CLCN4: variants seen among roughly 807,000 people sequenced by gnomAD.
CLCN4 encodes H(+)/Cl(-) exchange transporter 4.
In CLCN4, 1 loss-of-function variant was observed where a neutral mutation model predicts 41.7. The ratio of observed to expected loss-of-function variants is 0.02; its 90% CI spans 0.01 to 0.11. The LOEUF (loss-of-function observed/expected upper bound fraction) is 0.11. Among genes scored for constraint, CLCN4 ranks in the 10% least tolerant of loss-of-function variants. The pLI is 1.00. For missense variants in CLCN4, 287 were observed against 661.0 expected (o/e 0.43, Z 6.20); for synonymous variants, 277 against 285.8 (o/e 0.97, Z 0.31).
chrX:10,228,368 A>G (rs1378770814), intron 12 of CLCN4, among the ~76,000 whole-genome samples: 3 of 109,804 alleles, frequency 2.7e-5, no homozygotes, highest in Non-Finnish European at 5.7e-5. Context: ...CTGAGGCACA[A>G]TCAGCTGCCA....
rs1485597497 is a variant in CLCN4, at chrX:10,158,298, G to A, written c.-265G>A. 2.4e-5 allele frequency: 7 copies of A among 290,530 alleles called. No individual in the cohort carries two copies. Among genetic ancestry groups the A allele is most frequent in the Non-Finnish European group, 4.2e-5 (7 of 166,447 alleles). The allele number at this position is 290,530 out of a possible 1,213,427, so 23.9% of individuals were successfully genotyped here. A position where few individuals can be genotyped will look rare whatever the true frequency, so the allele number is the denominator to read the frequency against. On this transcript the variant is annotated 5_prime_UTR_variant, in exon 2 of 13. Coordinates refer to ENST00000380833, the MANE Select transcript of CLCN4 (RefSeq NM_001830.4). ...TAATTCTTCGCGAAAGGCCAGGCAA[G>A]CTGCACACATCAAGCGAAACGCCTG... is the stretch of plus-strand genomic sequence containing the variant.
chrX:10,169,266 G>A (rs1923322528), intron 2 of CLCN4, among the ~76,000 whole-genome samples: 2 of 111,936 alleles, frequency 1.8e-5, no homozygotes, highest in Non-Finnish European at 1.9e-5. Context: ...TCCCTCTCAA[G>A]CTGTCACCTC....
Position 10,233,608 on chromosome X carries a change from G to A in CLCN4, c.*24G>A. On this transcript the variant is annotated 3_prime_UTR_variant, in exon 13 of 13. Transcript: ENST00000380833. ...AGCAACAAGGTGGCAATTATTTTCA[G>A]AAAAACACTGACTGTGTCATTTAAA... 9.7e-7 allele frequency: 1 copy of A among 1,028,117 alleles called. No homozygotes were observed. Among genetic ancestry groups the A allele is most frequent in the Non-Finnish European group, 1.4e-6 (1 of 728,831 alleles). 84.7% of individuals were successfully genotyped at this position (1,028,117 alleles called of 1,213,427 possible).
intron 12 of CLCN4, among the ~76,000 whole-genome samples, chrX:10,228,232 C>T (rs1421582293): frequency 9.1e-6 from 1 of 109,624 alleles, no homozygotes; most frequent in Non-Finnish European, 1.9e-5. Flanking sequence ...CCCTCCTCCC[C>T]CCTCCCCCAT....
chrX:10,176,858 A>G (rs888468143), intron 2 of CLCN4, among the ~76,000 whole-genome samples: 5 of 112,481 alleles, frequency 4.4e-5, no homozygotes, highest in African/African-American at 1.3e-4. Context: ...CAGAGGGAAC[A>G]GGTGGAAGGG....
rs774739754 is a variant in CLCN4, at chrX:10,220,893, T to A, written c.2192+16T>A. On this transcript the variant is annotated intron_variant, in intron 12 of 12. Coordinates refer to ENST00000380833, the MANE Select transcript of CLCN4 (RefSeq NM_001830.4). ...CGCGGAGCGGGTGAGTAGCCGGACATGTGGCCAGAATGACCTAGGGAGAAA... is the reference window on the plus strand; with the variant it reads ...CGCGGAGCGGGTGAGTAGCCGGACAAGTGGCCAGAATGACCTAGGGAGAAA... 5 of 1,178,752 alleles carry A rather than the reference T, an allele frequency of 4.2e-6. No homozygotes were observed. In the Admixed American group the frequency reaches 1.1e-4, roughly 26 times the overall value.
rs773265490 is a variant in CLCN4, at chrX:10,216,918, T to TATATATACACACAC, written c.1975+2840_1975+2841insTATATACACACACA. The stretch of plus-strand genomic sequence containing the variant: ...GTGTGTATATATATATATATATATA[T>TATATATACACACAC]ACACACACACACATAGAGGGACTTC... On this transcript the variant is annotated intron_variant, in intron 11 of 12. Transcript: ENST00000380833. Among the ~76,000 whole-genome samples the TATATATACACACAC allele has an allele frequency of 1.9e-3, 75 of 38,925 alleles. 1 individual carries two copies. The highest frequency in any genetic ancestry group is 2.8e-3 in the Non-Finnish European group (66 of 23,804). 33.8% of individuals were successfully genotyped at this position (38,925 alleles called of 115,157 possible). A position where few individuals can be genotyped will look rare whatever the true frequency, so the allele number is the denominator to read the frequency against.
intron 2 of CLCN4, among the ~76,000 whole-genome samples, chrX:10,180,833 C>T (rs1923663410): frequency 9.6e-6 from 1 of 104,078 alleles, no homozygotes; most frequent in Admixed American, 1.0e-4. Context: ...CACCCAAAGT[C>T]ACATGCTGAA....
rs779568555 is a variant in CLCN4, at chrX:10,198,010, C to T, written c.504C>T (p.Val168=). The change falls in exon 6 of 13, where the codon GTC becomes GTT. Residue 168 remains valine (V), a synonymous_variant. Transcript: ENST00000380833. ...CGCTGCTGTTTGCATTTTTGGCTGT[C>T]TCCCTGGTGCGTGTATTTGCACCAT... ...LWALLFAFLA[V]SLVRVFAPYA... 1.7e-6 allele frequency: 2 copies of T among 1,208,589 alleles called. No individual in the cohort carries two copies. Among genetic ancestry groups the T allele is most frequent in the Non-Finnish European group, 2.2e-6 (2 of 894,468 alleles).
intron 2 of CLCN4, among the ~76,000 whole-genome samples, chrX:10,165,359 C>T (rs1923221259): frequency 8.9e-6 from 1 of 112,773 alleles, no homozygotes; most frequent in African/African-American, 3.2e-5. Flanking sequence ...GGGTCAGGCC[C>T]TTGACCTGCC....
rs147926790 is a variant in CLCN4, at chrX:10,159,426, G to C, written c.-12+875G>C. ...AGTTCTAGCATGACAGTGGGTGGGGGATTTTAATGGACTGTTTCTAGAGCG... is the reference window on the plus strand; with the variant it reads ...AGTTCTAGCATGACAGTGGGTGGGGCATTTTAATGGACTGTTTCTAGAGCG... On this transcript the variant is annotated intron_variant, in intron 2 of 12. Transcript: ENST00000380833. 8.9e-3 allele frequency among the ~76,000 whole-genome samples: 980 copies of C among 110,498 alleles called. 8 individuals are homozygous for C. Among genetic ancestry groups the C allele is most frequent in the African/African-American group, 0.03 (904 of 30,298 alleles).
Position 10,177,182 on chromosome X carries a change from C to T in CLCN4, c.-11-7840C>T, listed in dbSNP as rs962274908. Reference sequence around the variant, plus strand: ...GATATGGAATTCATATTTCAGTGTCCGCGAATAAAGTTTTATTGAAACACA... The same window carrying T: ...GATATGGAATTCATATTTCAGTGTCTGCGAATAAAGTTTTATTGAAACACA... On this transcript the variant is annotated intron_variant, in intron 2 of 12. Transcript: ENST00000380833. Among the ~76,000 whole-genome samples, 4 of 112,406 alleles carry T rather than the reference C, an allele frequency of 3.6e-5. No individual in the cohort carries two copies. The South Asian group carries it at 1.5e-3, about 41-fold the overall frequency.
chrX:10,211,151 A>G (rs1924537034), intron 9 of CLCN4, among the ~76,000 whole-genome samples: 1 of 103,894 alleles, frequency 9.6e-6, no homozygotes, highest in Non-Finnish European at 1.9e-5. Context: ...CTGTGGTCCC[A>G]GCTACTCGGG....
intron 2 of CLCN4, among the ~76,000 whole-genome samples, chrX:10,174,728 C>T (rs2239940): frequency 0.24 from 26,668 of 110,384 alleles, 2,513 homozygotes; most frequent in African/African-American, 0.32. Context: ...GGCTGCCCTA[C>T]ACTGCCATAT....
chrX:10,204,611 G>GTTTTTTTT (rs1307394281), intron 6 of CLCN4, among the ~76,000 whole-genome samples: 2 of 19,685 alleles, frequency 1.0e-4, no homozygotes, highest in African/African-American at 1.2e-4. Flanking sequence ...AAAGCTAGTA[G>GTTTTTTTT]TCTTTTTTTT....
chrX:10,206,968 G>A (rs886393582), intron 8 of CLCN4, among the ~76,000 whole-genome samples, 192 bp downstream of exon 8: 5 of 109,645 alleles, frequency 4.6e-5, no homozygotes, highest in African/African-American at 1.7e-4. Flanking sequence ...CACCCAGGCT[G>A]CAGTGCAATG....
chrX:10,183,325 T>G (rs752484565), intron 2 of CLCN4, among the ~76,000 whole-genome samples: 2 of 111,881 alleles, frequency 1.8e-5, no homozygotes, highest in East Asian at 5.6e-4. Flanking sequence ...CTGTGACCAC[T>G]TTATTGCTTG....
chrX:10,223,019 T>G (rs1474342799), intron 12 of CLCN4, among the ~76,000 whole-genome samples: 2 of 111,522 alleles, frequency 1.8e-5, no homozygotes, highest in Non-Finnish European at 3.8e-5. Context: ...CCTGGAGGAT[T>G]AAACCTCCAG....
At chrX:10,181,210 AT>A (rs1486804748) in intron 2 of CLCN4, among the ~76,000 whole-genome samples, 1 of 110,251 alleles carries the variant, frequency 9.1e-6, no homozygotes, top group Non-Finnish European at 1.9e-5. Context: ...ATAAAAAAAA[AT>A]TAGCCAGTGT....
Sources: gnomAD v4.1 joint callset for allele counts (sites outside exome capture counted in the v4.1 genomes callset) on GRCh38, gnomAD v4.1.1 for gene constraint, MANE v1.5 for transcripts, NCBI Gene and HGNC (gene_info 2026-07-23, HGNC 2026-07-21) for gene names.